Variants in THRA observed in about 807,000 individuals in gnomAD.
THRA encodes thyroid hormone receptor alpha.
A neutral mutation model predicts 45.0 loss-of-function variants in THRA; 13 were observed. That is an observed-to-expected ratio of 0.29 (90% confidence interval 0.19 to 0.46). THRA has a LOEUF of 0.46. Among genes scored for constraint, THRA ranks in the 20% least tolerant of loss-of-function variants. The pLI is 1.00. For synonymous variants in THRA, 195 were observed against 214.0 expected, an observed-to-expected ratio of 0.91 and a Z score of 0.78; for missense variants, 278 against 556.1, an observed-to-expected ratio of 0.50 and a Z score of 5.03.
intron 2 of THRA, among the ~76,000 whole-genome samples, chr17:40,076,261 C>T (rs1327851060): frequency 6.6e-6 from 1 of 152,118 alleles, no homozygotes; most frequent in Non-Finnish European, 1.5e-5. Context: ...GGTTATTTAG[C>T]ATGTGTGTAT....
At position 40,089,826 on chromosome 17, in the gene THRA, C is replaced by G. The variant is rs1036739729; in HGVS notation, c.*370C>G. 13 of 1,109,544 alleles carry G rather than the reference C, an allele frequency of 1.2e-5. No homozygotes were observed. The highest frequency in any genetic ancestry group is 3.3e-5 in the African/African-American group (2 of 60,906). The allele number at this position is 1,109,544 out of a possible 1,614,324, so 68.7% of individuals were successfully genotyped here. Reference sequence around the variant, plus strand: ...GCTGGGGGAAGATGCCCTCAACTCACCCCCTACACACACATGAGAGAGAGC... The same window carrying G: ...GCTGGGGGAAGATGCCCTCAACTCAGCCCCTACACACACATGAGAGAGAGC... On this transcript the variant is annotated 3_prime_UTR_variant, in exon 9 of 9. Coordinates refer to ENST00000450525, the MANE Select transcript of THRA (RefSeq NM_199334.5). The surrounding 1 kb of genome is among the most constrained non-coding windows in gnomAD (Gnocchi z 6.1).
intron 5 of THRA, 43 bp downstream of exon 5, chr17:40,084,025 G>A: frequency 3.2e-6 from 5 of 1,572,632 alleles, no homozygotes; most frequent in African/African-American, 1.4e-5. Flanking sequence ...GTGGCCTGGG[G>A]TGGGGATGAG....
chr17:40,085,788 C>T lies in THRA; in HGVS notation c.577-919C>T, dbSNP rs538403695. On this transcript the variant is annotated intron_variant, in intron 6 of 8. Transcript: ENST00000450525. Reference sequence around the variant, plus strand: ...CTTCCCAAATAGCTGGGATTACAGGCGTGCGCCACCACGCCCGGCTAATTT... The same window carrying T: ...CTTCCCAAATAGCTGGGATTACAGGTGTGCGCCACCACGCCCGGCTAATTT... 1.4e-4 allele frequency among the ~76,000 whole-genome samples: 22 copies of T among 152,186 alleles called. No homozygotes were observed. The South Asian group carries it at 1.7e-3, about 11-fold the overall frequency.
intron 4 of THRA, 48 bp downstream of exon 4, chr17:40,077,656 T>G (rs766273809): frequency 6.7e-7 from 1 of 1,492,628 alleles, no homozygotes. Flanking sequence ...AGCCCCCATA[T>G]TACTCCCTAT....
chr17:40,065,495 C>G (rs1220061161), intron 1 of THRA, among the ~76,000 whole-genome samples: 1 of 152,216 alleles, frequency 6.6e-6, no homozygotes, highest in Non-Finnish European at 1.5e-5. Flanking sequence ...CTCTCTCTCT[C>G]CTTGTTTCTC....
rs574602037 is a variant in THRA at position 40,091,403 on chromosome 17, C to T, written c.*1947C>T. On this transcript the variant is annotated 3_prime_UTR_variant, in exon 9 of 9. Transcript: ENST00000450525. The stretch of plus-strand genomic sequence containing the variant: ...CACCCGCTGTCACCTGTGCATGTGC[C>T]TGTCCCACCCTGCTGGGGCCTCGGG... 3 of 153,142 alleles carry T rather than the reference C, an allele frequency of 2.0e-5. No homozygotes were observed. The highest frequency in any genetic ancestry group is 3.8e-4 in the East Asian group (2 of 5,210). 9.5% of individuals were successfully genotyped at this position (153,142 alleles called of 1,614,324 possible).
chr17:40,068,271 A>G (rs1986644312), intron 1 of THRA, among the ~76,000 whole-genome samples: 1 of 152,242 alleles, frequency 6.6e-6, no homozygotes, highest in African/African-American at 2.4e-5. Context: ...GGTTGAGGGC[A>G]AATAACACAA....
chr17:40,068,541 AGGT>A (rs1299333793), intron 1 of THRA, among the ~76,000 whole-genome samples: 1 of 152,202 alleles, frequency 6.6e-6, no homozygotes, highest in Non-Finnish European at 1.5e-5. Context: ...CCATTGCGTG[AGGT>A]GGTCCAGAGG....
At chr17:40,087,413 G>GGC (rs1214303366) in intron 7 of THRA, among the ~76,000 whole-genome samples, 43 of 127,952 alleles carry the variant, frequency 3.4e-4, no homozygotes, top group African/African-American at 1.3e-3. Flanking sequence ...CCAGCACACA[G>GGC]GCACACACAC....
At chr17:40,067,694 G>C (rs923988604) in intron 1 of THRA, among the ~76,000 whole-genome samples, 1 of 152,160 alleles carries the variant, frequency 6.6e-6, no homozygotes, top group Non-Finnish European at 1.5e-5. Flanking sequence ...TAGGGGTGAC[G>C]GGAAGCCTTT....
intron 2 of THRA, among the ~76,000 whole-genome samples, chr17:40,075,552 C>A (rs1013203348): frequency 1.2e-4 from 18 of 152,206 alleles, no homozygotes; most frequent in African/African-American, 4.3e-4. Flanking sequence ...CACTTGCAGC[C>A]CCTGTGTCTC....
chr17:40,072,397 T>G (rs1397328767), intron 1 of THRA, among the ~76,000 whole-genome samples: 1 of 152,076 alleles, frequency 6.6e-6, no homozygotes, highest in African/African-American at 2.4e-5. Context: ...TGTGCTTGCC[T>G]CCTCCCCTCC....
chr17:40,066,805 T>A lies in THRA; in HGVS notation c.-298+3713T>A, dbSNP rs1986591403. On this transcript the variant is annotated intron_variant, in intron 1 of 8. Coordinates refer to ENST00000450525, the MANE Select transcript of THRA (RefSeq NM_199334.5). ...TTGACCTGGACTGCCTAGGTCTGAA[T>A]CCCAGCTCTGTCACTTGCTGGATGT... Among the ~76,000 whole-genome samples, 3 of 152,128 alleles carry A rather than the reference T, an allele frequency of 2.0e-5. 1 individual carries two copies. The South Asian group carries it at 6.2e-4, about 32-fold the overall frequency.
rs569218657 is a variant in THRA at position 40,084,831 on chromosome 17, G to T, written c.576+16G>T. The T allele has an allele frequency of 5.6e-6, 9 of 1,612,290 alleles. No homozygotes were observed. The highest frequency in any genetic ancestry group is 2.1e-4 in the Middle Eastern group (1 of 4,838). The stretch of plus-strand genomic sequence containing the variant: ...GAAATTCCTGGTAAGGAGAAAGGGG[G>T]CATGGGGAGAGCAGTAGCCAGGTGG... On this transcript the variant is annotated intron_variant, in intron 6 of 8. Coordinates refer to ENST00000450525, the MANE Select transcript of THRA (RefSeq NM_199334.5).
At chr17:40,080,421 C>CA (rs112166119) in intron 4 of THRA, among the ~76,000 whole-genome samples, 3,361 of 139,898 alleles carry the variant, frequency 0.024, 77 homozygotes, top group Middle Eastern at 0.075. Flanking sequence ...AAAAAACAAA[C>CA]AAAAAAAAAA....
intron 8 of THRA, among the ~76,000 whole-genome samples, chr17:40,088,883 A>C (rs376166865): frequency 1.3e-4 from 14 of 111,916 alleles, no homozygotes; most frequent in Non-Finnish European, 1.9e-4. Flanking sequence ...CCCCATCTGC[A>C]CCCCGCCTCT....
chr17:40,084,945 T>G lies in THRA; in HGVS notation c.576+130T>G, dbSNP rs1206341389. ...CCCAAAATACATACTCTTCACACTTTTGCTGTCCAGATTTTATACACTTGT... is the reference window on the plus strand; with the variant it reads ...CCCAAAATACATACTCTTCACACTTGTGCTGTCCAGATTTTATACACTTGT... On this transcript the variant is annotated intron_variant, in intron 6 of 8. Transcript: ENST00000450525. 4.7e-5 allele frequency: 47 copies of G among 1,000,244 alleles called. 1 individual carries two copies. The East Asian group carries it at 1.1e-3, about 24-fold the overall frequency. 62.0% of individuals were successfully genotyped at this position (1,000,244 alleles called of 1,614,324 possible). A position where few individuals can be genotyped will look rare whatever the true frequency, so the allele number is the denominator to read the frequency against.
At position 40,089,176 on chromosome 17, in the gene THRA, C is replaced by G; in HGVS notation, c.983-30C>G. The G allele has an allele frequency of 6.2e-7, 1 of 1,608,860 alleles. No homozygotes were observed. On this transcript the variant is annotated intron_variant, in intron 8 of 8. Coordinates refer to ENST00000450525, the MANE Select transcript of THRA (RefSeq NM_199334.5). The surrounding 1 kb of genome is among the most constrained non-coding windows in gnomAD (Gnocchi z 6.1). ...CCATCTCCAGGCCTTCGGCCAGCCC[C>G]TCGCCCCTCACGCCCCTCTTCCCTC...
At chr17:40,068,698 A>G (rs1175735794) in intron 1 of THRA, among the ~76,000 whole-genome samples, 1 of 152,208 alleles carries the variant, frequency 6.6e-6, no homozygotes, top group Non-Finnish European at 1.5e-5. Context: ...AGCAGTGGCC[A>G]AGAGCAGAAT....
Sources: gnomAD v4.1 joint callset for allele counts (sites outside exome capture counted in the v4.1 genomes callset) on GRCh38, gnomAD v4.1.1 for gene constraint, Gnocchi (gnomAD v3.1) non-coding constraint, MANE v1.5 for transcripts, NCBI Gene and HGNC (gene_info 2026-07-23, HGNC 2026-07-21) for gene names.